The following ADRA1B variants were observed in gnomAD, a reference collection of about 807,000 sequenced individuals.
The protein encoded by ADRA1B is alpha-1B adrenergic receptor.
ADRA1B carries 17 observed loss-of-function variants against 17.9 expected under a neutral mutation model. That is an observed-to-expected ratio of 0.95 (90% CI 0.65 to 1.42). The LOEUF (loss-of-function observed/expected upper bound fraction) is 1.42. Among genes scored for constraint, ADRA1B ranks in the 40% most tolerant of loss-of-function variants. The pLI, the probability that ADRA1B is intolerant of heterozygous loss-of-function variation, is 0.00. For synonymous variants in ADRA1B, 366 were observed against 327.6 expected, an observed-to-expected ratio of 1.12 and a Z score of -1.27; for missense variants, 681 against 722.1, an observed-to-expected ratio of 0.94 and a Z score of 0.65.
chr5:159,919,356 A>T (rs1309579358), intron 1 of ADRA1B, among the ~76,000 whole-genome samples: 1 of 152,146 alleles, frequency 6.6e-6, no homozygotes, highest in African/African-American at 2.4e-5. Flanking sequence ...TTCACACTGC[A>T]TTGGGTCATT....
intron 1 of ADRA1B, among the ~76,000 whole-genome samples, chr5:159,919,352 C>T (rs867108477): frequency 6.6e-6 from 1 of 152,206 alleles, no homozygotes; most frequent in Middle Eastern, 3.2e-3. Context: ...ACAGTTCACA[C>T]TGCATTGGGT....
intron 1 of ADRA1B, among the ~76,000 whole-genome samples, chr5:159,930,545 C>G (rs1256182102): frequency 6.6e-6 from 1 of 152,186 alleles, no homozygotes; most frequent in African/African-American, 2.4e-5. Flanking sequence ...CACCACTGCA[C>G]TCCAGCCTGG....
rs2113300139 is a variant in ADRA1B, at chr5:159,972,187, A to G, written c.1258A>G (p.Thr420Ala). 1 of 1,347,930 alleles carries G rather than the reference A, an allele frequency of 7.4e-7. No individual in the cohort carries two copies. Among genetic ancestry groups the G allele is most frequent in the Non-Finnish European group, 9.6e-7 (1 of 1,043,556 alleles). The allele number at this position is 1,347,930 out of a possible 1,614,324, so 83.5% of individuals were successfully genotyped here. ...SGSCLSGSQR[T>A]LPSASPSPGY... ...CAGCTGCCTGAGCGGCAGCCAGCGG[A>G]CCCTGCCCTCGGCCTCGCCGAGCCC... The change falls in exon 2 of 2, where the codon ACC becomes GCC. Residue 420 changes from threonine (T) to alanine (A), a missense_variant. Transcript: ENST00000306675.
At chr5:159,899,592 A>C (rs1317856523) in intron 1 of ADRA1B, among the ~76,000 whole-genome samples, 4 of 152,216 alleles carry the variant, frequency 2.6e-5, no homozygotes, top group Non-Finnish European at 5.9e-5. Context: ...GCACAGCTCC[A>C]AAAGGGTACC....
intron 1 of ADRA1B, among the ~76,000 whole-genome samples, chr5:159,962,286 A>T (rs1755678060): frequency 6.6e-6 from 1 of 152,198 alleles, no homozygotes; most frequent in Non-Finnish European, 1.5e-5. Flanking sequence ...CAGGCACATC[A>T]GGAACTAACG....
rs1328879905 is a variant in ADRA1B, at chr5:159,945,923, AT to A, written c.950-25951del. On this transcript the variant is annotated intron_variant, in intron 1 of 1. Transcript: ENST00000306675. ...CCACCATGCCTGGCTAATTTTTTGT[AT>A]TTTTAGTAGAGATGGGGTTTCACCA... 4.6e-5 allele frequency among the ~76,000 whole-genome samples: 7 copies of A among 151,798 alleles called. No individual in the cohort carries two copies. In the East Asian group the frequency reaches 1.4e-3, roughly 29 times the overall value.
rs552863026 is a variant in ADRA1B at position 159,917,556 on chromosome 5, G to A, written c.651G>A (p.Ala217=). 4.4e-5 allele frequency: 71 copies of A among 1,613,904 alleles called. 3 individuals are homozygous for A. The South Asian group carries it at 6.6e-4, about 15-fold the overall frequency. ...SSLGSFYIPL[A]VILVMYCRVY... ...TGGGCTCCTTCTACATCCCTCTGGC[G>A]GTCATTCTAGTCATGTACTGCCGTG... The change falls in exon 1 of 2, where the codon GCG becomes GCA. Residue 217 remains alanine, a synonymous_variant. Coordinates refer to ENST00000306675, the MANE Select transcript of ADRA1B (RefSeq NM_000679.4).
the ADRA1B span, among the ~76,000 whole-genome samples, chr5:159,988,346 A>C: frequency 6.6e-6 from 1 of 152,320 alleles, no homozygotes; most frequent in African/African-American, 2.4e-5. Flanking sequence ...AGTAAAACTG[A>C]CTGTAGACTT....
At chr5:159,927,593 C>G (rs1754695257) in intron 1 of ADRA1B, among the ~76,000 whole-genome samples, 1 of 152,126 alleles carries the variant, frequency 6.6e-6, no homozygotes, top group Non-Finnish European at 1.5e-5. Flanking sequence ...TCACTGTTTT[C>G]TAATAGGGTG....
At chr5:159,984,697 A>G in the ADRA1B span, among the ~76,000 whole-genome samples, 124 of 151,718 alleles carry the variant, frequency 8.2e-4, 1 homozygote, top group Middle Eastern at 0.021. Context: ...CAGGAGTTTG[A>G]GGCCAACCTG....
upstream of ADRA1B, among the ~76,000 whole-genome samples, chr5:159,914,449 G>A (rs1187111962): frequency 6.6e-6 from 1 of 152,190 alleles, no homozygotes; most frequent in African/African-American, 2.4e-5. Flanking sequence ...GGTTCTGAGA[G>A]CTTCTGAAGA....
Position 159,917,024 on chromosome 5 carries a change from T to A in ADRA1B, c.119T>A (p.Leu40Gln). 6.2e-7 allele frequency: 1 copy of A among 1,614,174 alleles called. No homozygotes were observed. Among genetic ancestry groups the A allele is most frequent in the Non-Finnish European group, 8.5e-7 (1 of 1,180,024 alleles). The change falls in exon 1 of 2, where the codon CTG becomes CAG. Residue 40 changes from leucine to glutamine, a missense_variant. By Grantham distance (113) the Leu-to-Gln change is moderately radical. Transcript: ENST00000306675. ...TCGAGCAACTCCACACTGCCCCAGCTGGACATCACCAGGGCCATCTCTGTG... is the reference window on the plus strand; with the variant it reads ...TCGAGCAACTCCACACTGCCCCAGCAGGACATCACCAGGGCCATCTCTGTG... ...QTSSNSTLPQ[L>Q]DITRAISVGL... is the part of the protein sequence containing the mutation.
At chr5:159,873,843 A>G (rs1485362865) in intron 1 of ADRA1B, among the ~76,000 whole-genome samples, 1 of 152,016 alleles carries the variant, frequency 6.6e-6, no homozygotes, top group African/African-American at 2.4e-5. Flanking sequence ...ATGATGAGGC[A>G]CTCCATCATT....
intron 1 of ADRA1B, among the ~76,000 whole-genome samples, chr5:159,881,427 T>C (rs1753862857): frequency 6.6e-6 from 1 of 151,922 alleles, no homozygotes. Flanking sequence ...ATTCTCTTCT[T>C]GGCATGCCAA....
chr5:159,981,700 G>T, the ADRA1B span, among the ~76,000 whole-genome samples: 1 of 152,116 alleles, frequency 6.6e-6, no homozygotes, highest in African/African-American at 2.4e-5. Context: ...GTTTCACCAC[G>T]TTAGCCAGGA....
chr5:159,923,388 G>T (rs1249095919), intron 1 of ADRA1B, among the ~76,000 whole-genome samples: 5 of 152,282 alleles, frequency 3.3e-5, no homozygotes, highest in African/African-American at 4.8e-5. Context: ...AGATGATGAT[G>T]ACCTAGACTA....
At chr5:159,881,409 T>A (rs551831164) in intron 1 of ADRA1B, among the ~76,000 whole-genome samples, 5 of 151,916 alleles carry the variant, frequency 3.3e-5, no homozygotes, top group African/African-American at 9.7e-5. Context: ...ATTTTGTGTA[T>A]CTACTACATT....
intron 1 of ADRA1B, among the ~76,000 whole-genome samples, chr5:159,934,579 C>A (rs375870228): frequency 6.6e-6 from 1 of 151,890 alleles, no homozygotes; most frequent in African/African-American, 2.4e-5. Context: ...CCGAGGCGGG[C>A]GGATCACTTG....
At chr5:159,984,943 G>T in the ADRA1B span, among the ~76,000 whole-genome samples, 1 of 151,226 alleles carries the variant, frequency 6.6e-6, no homozygotes, top group Non-Finnish European at 1.5e-5. Context: ...ATGAGACTAT[G>T]CCTCTGCTGG....
Sources: allele counts gnomAD v4.1 joint callset (sites outside exome capture counted in the v4.1 genomes callset), GRCh38; gene constraint gnomAD v4.1.1; transcripts MANE v1.5; gene names NCBI Gene and HGNC (gene_info 2026-07-23, HGNC 2026-07-21).